The following KCNH7 variants were observed in gnomAD, a reference collection of about 807,000 sequenced individuals.
KCNH7 encodes the protein potassium voltage-gated channel subfamily H member 7.
KCNH7 carries 49 observed loss-of-function variants against 120.8 expected under a neutral mutation model. The ratio of observed to expected loss-of-function variants is 0.41; its 90% confidence interval spans 0.32 to 0.51. The LOEUF is 0.51. Ranked by LOEUF, KCNH7 falls within the 20% of genes least tolerant of loss-of-function variation. The pLI, the probability that KCNH7 is intolerant of heterozygous loss-of-function variation, is 0.38. For synonymous variants in KCNH7, 547 were observed against 516.1 expected (o/e 1.06, Z -0.81); for missense variants, 1,097 against 1,446.6 (o/e 0.76, Z 3.92).
rs148580442 is a variant in KCNH7, at chr2:162,410,326, G to T, written c.2155-9885C>A. 2.4e-3 allele frequency among the ~76,000 whole-genome samples: 360 copies of T among 152,058 alleles called. 1 individual carries two copies. The highest frequency in any genetic ancestry group is 2.8e-3 in the Non-Finnish European group (188 of 67,934). On this transcript the variant is annotated intron_variant, in intron 9 of 15. Transcript: ENST00000332142. ...AAAGCTGACAATAACAAACAATGAAGAAAAGATTCCTTATTCAATAAATGA... is the reference window on the plus strand; with the variant it reads ...AAAGCTGACAATAACAAACAATGAATAAAAGATTCCTTATTCAATAAATGA...
intron 2 of KCNH7, among the ~76,000 whole-genome samples, chr2:162,831,151 T>C (rs1685463461): frequency 6.6e-6 from 1 of 152,130 alleles, no homozygotes. Flanking sequence ...AATTATTCAG[T>C]CTCTCTGGGC....
chr2:162,527,956 T>C (rs1397200391), intron 3 of KCNH7: 1 of 151,974 alleles, frequency 6.6e-6, no homozygotes, highest in Non-Finnish European at 1.5e-5. Context: ...GAAGTGTTTG[T>C]TAAAACACAG....
rs576148275 is a variant in KCNH7, at chr2:162,720,481, T to C, written c.307+116056A>G. ...ACAGGTGTTTAAAAACCAGCTCTAT[T>C]TTTAAAAAATCTACATATGTATATC... On this transcript the variant is annotated intron_variant, in intron 2 of 15. Transcript: ENST00000332142. 2.6e-5 allele frequency among the ~76,000 whole-genome samples: 4 copies of C among 152,072 alleles called. No homozygotes were observed. In the East Asian group the frequency reaches 7.7e-4, roughly 29 times the overall value.
intron 6 of KCNH7, among the ~76,000 whole-genome samples, chr2:162,468,519 T>G (rs1282859270): frequency 7.4e-6 from 1 of 134,598 alleles, no homozygotes; most frequent in Non-Finnish European, 1.6e-5. Context: ...TTCCTTTTTT[T>G]TTTTTTTTTT....
chr2:162,400,174 T>A lies in KCNH7; in HGVS notation c.2407+15A>T. The stretch of plus-strand genomic sequence containing the variant: ...AATAACTGAATCTGTCACCATGCAC[T>A]TCTAAAACACTCACCCAGAATAGCC... On this transcript the variant is annotated intron_variant, in intron 10 of 15. Transcript: ENST00000332142. 6.2e-7 allele frequency: 1 copy of A among 1,611,114 alleles called. No individual in the cohort carries two copies. The highest frequency in any genetic ancestry group is 1.1e-5 in the South Asian group (1 of 90,904).
chr2:162,567,995 G>C (rs1693317814), intron 2 of KCNH7, among the ~76,000 whole-genome samples: 1 of 151,994 alleles, frequency 6.6e-6, no homozygotes. Context: ...AGACATACCT[G>C]AGCCTGGGTA....
At chr2:162,604,000 G>A (rs949926511) in intron 2 of KCNH7, among the ~76,000 whole-genome samples, 1 of 151,948 alleles carries the variant, frequency 6.6e-6, no homozygotes. Context: ...AATTACTAAG[G>A]AAACATGGTG....
intron 7 of KCNH7, among the ~76,000 whole-genome samples, chr2:162,442,121 G>C (rs1300980875): frequency 7.3e-6 from 1 of 136,716 alleles, no homozygotes; most frequent in Non-Finnish European, 1.5e-5. Context: ...CGCCTCCCAG[G>C]TTCACACCAT....
chr2:162,498,465 A>G (rs1177321707), intron 6 of KCNH7, among the ~76,000 whole-genome samples: 1 of 118,648 alleles, frequency 8.4e-6, no homozygotes, highest in East Asian at 2.8e-4. Context: ...GAATCTACCC[A>G]CTGCCCAATG....
At chr2:162,812,932 C>T (rs747978386) in intron 2 of KCNH7, among the ~76,000 whole-genome samples, 7 of 151,864 alleles carry the variant, frequency 4.6e-5, no homozygotes, top group African/African-American at 7.3e-5. Context: ...ATGGCTAGAA[C>T]TCAAAGATTC....
At chr2:162,784,825 A>C (rs537948233) in intron 2 of KCNH7, 1 of 152,348 alleles carries the variant, frequency 6.6e-6, no homozygotes, top group East Asian at 1.9e-4. Context: ...CTTTGGATAC[A>C]CTATTGTTTT....
chr2:162,499,841 C>A (rs752023041), intron 6 of KCNH7, among the ~76,000 whole-genome samples: 19 of 152,066 alleles, frequency 1.2e-4, no homozygotes, highest in Non-Finnish European at 2.4e-4. Flanking sequence ...GTGTTTCACT[C>A]CAGATTTTTA....
At chr2:162,761,514 C>T (rs577518383) in intron 2 of KCNH7, among the ~76,000 whole-genome samples, 2 of 152,026 alleles carry the variant, frequency 1.3e-5, no homozygotes, top group African/African-American at 2.4e-5. Flanking sequence ...ATATCTGATT[C>T]GATTACAGCA....
chr2:162,729,653 T>G (rs980760523), intron 2 of KCNH7, among the ~76,000 whole-genome samples: 6 of 152,208 alleles, frequency 3.9e-5, no homozygotes, highest in Admixed American at 2.6e-4. Context: ...GATAGTGCCT[T>G]CAATAAAATG....
At chr2:162,444,330 A>G (rs1325428831) in intron 7 of KCNH7, among the ~76,000 whole-genome samples, 1 of 152,182 alleles carries the variant, frequency 6.6e-6, no homozygotes. Flanking sequence ...TTTTGAATAA[A>G]TAAAGTATTA....
chr2:162,494,250 T>G, intron 6 of KCNH7, among the ~76,000 whole-genome samples: 1 of 152,116 alleles, frequency 6.6e-6, no homozygotes, highest in Non-Finnish European at 1.5e-5. Flanking sequence ...TTCTTAAAAT[T>G]TTTGAGTCAT....
intron 2 of KCNH7, among the ~76,000 whole-genome samples, chr2:162,632,949 G>T (rs963650703): frequency 7.9e-5 from 12 of 151,676 alleles, no homozygotes; most frequent in Non-Finnish European, 1.0e-4. Context: ...AGACCCAGAA[G>T]TGGGAGGAAA....
chr2:162,670,869 A>G (rs992951), intron 2 of KCNH7, among the ~76,000 whole-genome samples: 1 of 151,982 alleles, frequency 6.6e-6, no homozygotes, highest in African/African-American at 2.4e-5. Flanking sequence ...AACTTAAAGA[A>G]AAAGATTATC....
chr2:162,527,734 T>C (rs1245370920), intron 3 of KCNH7, among the ~76,000 whole-genome samples: 2 of 152,034 alleles, frequency 1.3e-5, no homozygotes, highest in Non-Finnish European at 2.9e-5. Flanking sequence ...TTGGAAAGTG[T>C]AATTTTAATC....
Sources: gnomAD v4.1 joint callset for allele counts (sites outside exome capture counted in the v4.1 genomes callset) on GRCh38, gnomAD v4.1.1 for gene constraint, MANE v1.5 for transcripts, NCBI Gene and HGNC (gene_info 2026-07-23, HGNC 2026-07-21) for gene names.